Variants in SLC39A11 observed in about 807,000 individuals in gnomAD.
The protein encoded by SLC39A11 is solute carrier family 39 member 11, also known as zinc transporter ZIP11.
A neutral mutation model predicts 36.1 loss-of-function variants in SLC39A11; 33 were observed. The observed-to-expected ratio is 0.91, with a 90% confidence interval of 0.69 to 1.22. SLC39A11 has a LOEUF of 1.22. Among genes scored for constraint, SLC39A11 ranks in the 50% most tolerant of loss-of-function variants. The probability of loss-of-function intolerance (pLI) is 0.00; values close to 1 mark genes in which losing one functional copy is unlikely to be tolerated. For synonymous variants in SLC39A11, 166 were observed against 170.3 expected (o/e 0.97, Z 0.20); for missense variants, 432 against 430.3 (o/e 1.00, Z -0.03).
intron 7 of SLC39A11, among the ~76,000 whole-genome samples, chr17:72,735,763 T>A (rs1258909083): frequency 6.6e-6 from 1 of 152,154 alleles, no homozygotes; most frequent in Non-Finnish European, 1.5e-5. Context: ...CATTTATGGC[T>A]TTATGGGCCT....
At chr17:72,930,279 G>A (rs370227978) in intron 5 of SLC39A11, among the ~76,000 whole-genome samples, 18 of 152,054 alleles carry the variant, frequency 1.2e-4, no homozygotes, top group South Asian at 8.3e-4. Context: ...AGTTCCACCC[G>A]CAAATGCTTT....
Position 72,650,502 on chromosome 17 carries a change from G to C in SLC39A11, c.672-1234C>G, listed in dbSNP as rs1394122809. On this transcript the variant is annotated intron_variant, in intron 7 of 9. Coordinates refer to ENST00000255559, the MANE Select transcript of SLC39A11 (RefSeq NM_139177.4). Reference sequence around the variant, plus strand: ...AGGAAACAGAGGCATGAGGGAAGCAGAGGAGGGAAATGGGGCCAGTCCGAG... The same window carrying C: ...AGGAAACAGAGGCATGAGGGAAGCACAGGAGGGAAATGGGGCCAGTCCGAG... Among the ~76,000 whole-genome samples, 3 of 152,234 alleles carry C rather than the reference G, an allele frequency of 2.0e-5. No individual in the cohort carries two copies. The East Asian group carries it at 5.8e-4, about 29-fold the overall frequency.
chr17:72,807,473 C>T (rs536096814), intron 6 of SLC39A11, among the ~76,000 whole-genome samples: 56 of 152,176 alleles, frequency 3.7e-4, no homozygotes, highest in African/African-American at 1.3e-3. Flanking sequence ...GAGGTAGGCC[C>T]CTAGATAGTC....
At chr17:72,690,700 C>T (rs1016874912) in intron 7 of SLC39A11, among the ~76,000 whole-genome samples, 4 of 152,160 alleles carry the variant, frequency 2.6e-5, no homozygotes, top group Non-Finnish European at 1.5e-5. Context: ...ATCGGAGACA[C>T]CAGATGCACC....
At chr17:73,004,614 C>G (rs1482531352) in intron 4 of SLC39A11, among the ~76,000 whole-genome samples, 2 of 152,270 alleles carry the variant, frequency 1.3e-5, no homozygotes, top group African/African-American at 4.8e-5. Flanking sequence ...CAGGTTGGCA[C>G]TCCACTAGCA....
intron 6 of SLC39A11, among the ~76,000 whole-genome samples, chr17:72,754,051 T>C (rs2023145): frequency 0.064 from 6,783 of 106,436 alleles, 231 homozygotes; most frequent in African/African-American, 0.082. Flanking sequence ...TATATACACA[T>C]ACACACACAC....
intron 3 of SLC39A11, chr17:73,068,009 A>T (rs1429962660): frequency 6.3e-7 from 1 of 1,594,000 alleles, no homozygotes; most frequent in East Asian, 2.2e-5. Flanking sequence ...TGAGGCCACA[A>T]GTTTAAGAAA....
At chr17:73,006,565 A>G (rs1163471974) in intron 4 of SLC39A11, among the ~76,000 whole-genome samples, 2 of 151,978 alleles carry the variant, frequency 1.3e-5, no homozygotes, top group Non-Finnish European at 2.9e-5. Flanking sequence ...AAGTGTGTTC[A>G]CCCTGCTTTA....
At chr17:73,064,374 G>A (rs756976126) in intron 3 of SLC39A11, among the ~76,000 whole-genome samples, 13 of 151,994 alleles carry the variant, frequency 8.6e-5, no homozygotes, top group Non-Finnish European at 1.9e-4. Flanking sequence ...TTTCTCCGGA[G>A]GGCACAGAAG....
intron 7 of SLC39A11, among the ~76,000 whole-genome samples, chr17:72,657,360 AAAACAAAC>A (rs776334318): frequency 6.6e-6 from 1 of 152,210 alleles, no homozygotes; most frequent in Non-Finnish European, 1.5e-5. Flanking sequence ...ATTCTGCCTC[AAAACAAAC>A]AAACAAACAA....
At chr17:72,709,443 G>A (rs1232731961) in intron 7 of SLC39A11, among the ~76,000 whole-genome samples, 2 of 152,176 alleles carry the variant, frequency 1.3e-5, no homozygotes, top group Admixed American at 6.5e-5. Context: ...CCCAGGTGTG[G>A]ACACCTGCCT....
chr17:72,823,780 C>T (rs1439093083), intron 6 of SLC39A11: 1 of 151,354 alleles, frequency 6.6e-6, no homozygotes. Flanking sequence ...GCATTAGCTC[C>T]ACTTCTTGCC....
chr17:72,729,074 T>C (rs2074047474), intron 7 of SLC39A11, among the ~76,000 whole-genome samples: 1 of 151,984 alleles, frequency 6.6e-6, no homozygotes, highest in Admixed American at 6.6e-5. Context: ...TCACACTGGT[T>C]TATCTCCCCA....
chr17:73,011,242 G>C (rs745877457), intron 4 of SLC39A11, among the ~76,000 whole-genome samples: 6 of 152,358 alleles, frequency 3.9e-5, no homozygotes, highest in Middle Eastern at 3.4e-3. Flanking sequence ...ACACCGCAGA[G>C]GCGGTGCCCC....
intron 9 of SLC39A11, 54 bp from the exon 10 acceptor site, chr17:72,647,716 G>A (rs1201332312): frequency 4.7e-6 from 7 of 1,474,686 alleles, no homozygotes; most frequent in East Asian, 2.3e-5. Flanking sequence ...CTGAGGCCAC[G>A]GCTAGGCTGA....
intron 6 of SLC39A11, among the ~76,000 whole-genome samples, chr17:72,786,771 G>T (rs2076530341): frequency 6.6e-6 from 1 of 152,102 alleles, no homozygotes; most frequent in Non-Finnish European, 1.5e-5. Flanking sequence ...AGATGCTGAG[G>T]ACTGGGGTCC....
intron 4 of SLC39A11, among the ~76,000 whole-genome samples, chr17:73,016,628 C>T (rs540214361): frequency 6.6e-6 from 1 of 152,346 alleles, no homozygotes; most frequent in East Asian, 1.9e-4. Context: ...GCCACCACAC[C>T]TCACTCCAAT....
intron 4 of SLC39A11, 152 bp downstream of exon 4, chr17:73,031,404 G>A (rs9912666): frequency 0.8 from 647,374 of 804,850 alleles, 268,148 homozygotes; most frequent in Non-Finnish European, 0.86. Context: ...AGAAATCACC[G>A]ATCAGTTCCT....
intron 6 of SLC39A11, among the ~76,000 whole-genome samples, chr17:72,758,208 A>T (rs1257030724): frequency 6.6e-6 from 1 of 152,178 alleles, no homozygotes; most frequent in Admixed American, 6.6e-5. Flanking sequence ...TTATTGAATA[A>T]GTAAAGTTAA....
Sources: gnomAD v4.1 joint callset for allele counts (sites outside exome capture counted in the v4.1 genomes callset) on GRCh38, gnomAD v4.1.1 for gene constraint, MANE v1.5 for transcripts, NCBI Gene and HGNC (gene_info 2026-07-23, HGNC 2026-07-21) for gene names.